RPGRIP1L: variants seen among roughly 807,000 people sequenced by gnomAD.
RPGRIP1L encodes RPGRIP1 like.
A neutral mutation model predicts 160.4 loss-of-function variants in RPGRIP1L; 131 were observed. The ratio of observed to expected loss-of-function variants is 0.82; its 90% CI spans 0.71 to 0.94. RPGRIP1L has a LOEUF of 0.94. Ranked by LOEUF, RPGRIP1L falls within the 40% of genes least tolerant of loss-of-function variation. The pLI is 0.00. For synonymous variants in RPGRIP1L, 510 were observed against 515.8 expected, an observed-to-expected ratio of 0.99 and a Z score of 0.15; for missense variants, 1,522 against 1,535.8, an observed-to-expected ratio of 0.99 and a Z score of 0.15.
intron 9 of RPGRIP1L, among the ~76,000 whole-genome samples, chr16:53,668,298 G>C (rs903892553): frequency 2.6e-5 from 4 of 151,986 alleles, no homozygotes; most frequent in Admixed American, 2.6e-4. Context: ...AGCATCTATG[G>C]GTGTCAGTAG....
Position 53,605,513 on chromosome 16 carries a change from T to C in RPGRIP1L, c.3803A>G (p.Glu1268Gly), listed in dbSNP as rs752514830. Residue 1268 changes from glutamate (E) to glycine (G), a missense_variant, in exon 26 of 27, where the codon GAA becomes GGA. Physicochemically the swap from Glu to Gly is moderately conservative, Grantham distance 98 (BLOSUM62 -2). Coordinates refer to ENST00000647211, the MANE Select transcript of RPGRIP1L (RefSeq NM_015272.5). ...AHVDLADMFQEGRDLIEQNID... is the reference protein window; with the variant it reads ...AHVDLADMFQGGRDLIEQNID... ...ATTTTGCTCAATGAGGTCCCTCCCT[T>C]CCTGAAACATGTCGGCAAGGTCGAC... 7 of 1,614,010 alleles carry C rather than the reference T, an allele frequency of 4.3e-6. No homozygotes were observed.
At chr16:53,604,067 T>C (rs1963526889) in intron 26 of RPGRIP1L, among the ~76,000 whole-genome samples, 1 of 152,240 alleles carries the variant, frequency 6.6e-6, no homozygotes, top group African/African-American at 2.4e-5. Context: ...TTTGTCAGAC[T>C]TTCTTGGTCC....
intron 4 of RPGRIP1L, among the ~76,000 whole-genome samples, chr16:53,691,057 C>T (rs1255178306): frequency 6.6e-6 from 1 of 151,560 alleles, no homozygotes; most frequent in African/African-American, 2.4e-5. Flanking sequence ...ATTTTGGCTT[C>T]AAGAGCGAAC....
chr16:53,649,527 A>G (rs956193428), intron 15 of RPGRIP1L, among the ~76,000 whole-genome samples: 2 of 152,224 alleles, frequency 1.3e-5, no homozygotes, highest in Non-Finnish European at 2.9e-5. Context: ...TATAAATATG[A>G]CATTCCACAT....
At chr16:53,626,461 A>G (rs549152120) in intron 22 of RPGRIP1L, among the ~76,000 whole-genome samples, 1 of 152,228 alleles carries the variant, frequency 6.6e-6, no homozygotes, top group South Asian at 2.1e-4. Flanking sequence ...TTGTTCACCA[A>G]TTACCCTATT....
chr16:53,675,378 T>C (rs1216320550), intron 6 of RPGRIP1L, among the ~76,000 whole-genome samples: 1 of 152,168 alleles, frequency 6.6e-6, no homozygotes, highest in African/African-American at 2.4e-5. Flanking sequence ...TTCATGACTA[T>C]GTCACCTCTA....
intron 26 of RPGRIP1L, among the ~76,000 whole-genome samples, chr16:53,604,545 A>G (rs1963557198): frequency 6.6e-6 from 1 of 152,242 alleles, no homozygotes; most frequent in Admixed American, 6.5e-5. Flanking sequence ...CGTTCTAAAT[A>G]CAGAAGAATA....
At chr16:53,610,321 C>CA (rs1218160678) in intron 25 of RPGRIP1L, among the ~76,000 whole-genome samples, 2 of 151,698 alleles carry the variant, frequency 1.3e-5, no homozygotes, top group Non-Finnish European at 2.9e-5. Flanking sequence ...AAAATGCCTT[C>CA]AAAAAATAAT....
chr16:53,697,023 G>C (rs558973793), intron 2 of RPGRIP1L, among the ~76,000 whole-genome samples: 1 of 151,900 alleles, frequency 6.6e-6, no homozygotes, highest in Non-Finnish European at 1.5e-5. Flanking sequence ...GTGAAACCCC[G>C]TCTCTACTAA....
chr16:53,607,998 G>C lies in RPGRIP1L; in HGVS notation c.3702-2384C>G, dbSNP rs568095494. 160 of 984,496 alleles carry C rather than the reference G, an allele frequency of 1.6e-4. 1 individual carries two copies. In the African/African-American group the frequency reaches 2.5e-3, roughly 16 times the overall value. 61.0% of individuals were successfully genotyped at this position (984,496 alleles called of 1,614,324 possible). ...GCTTACAGTCTAGTCTGAGGACCTG[G>C]ATGGACACAGGGGGCAGATGTCAAG... On this transcript the variant is annotated intron_variant, in intron 25 of 26. Coordinates refer to ENST00000647211, the MANE Select transcript of RPGRIP1L (RefSeq NM_015272.5).
intron 17 of RPGRIP1L, 59 bp from the exon 18 acceptor site, chr16:53,641,534 T>G: frequency 6.8e-7 from 1 of 1,460,884 alleles, no homozygotes; most frequent in Non-Finnish European, 9.5e-7. Flanking sequence ...CTGTAAGAAT[T>G]AAAGAACAAA....
At chr16:53,646,682 C>T (rs184162798) in intron 16 of RPGRIP1L, among the ~76,000 whole-genome samples, 1 of 152,276 alleles carries the variant, frequency 6.6e-6, no homozygotes, top group East Asian at 1.9e-4. Context: ...GTTAAATCTT[C>T]CATGGCTGAT....
At position 53,656,568 on chromosome 16, in the gene RPGRIP1L, G is replaced by T. The variant is rs149781516; in HGVS notation, c.1603C>A (p.Arg535Ser). The change falls in exon 14 of 27, where the codon CGT becomes AGT. Residue 535 changes from arginine to serine, a missense_variant. Physicochemically the swap from Arg to Ser is moderately radical, Grantham distance 110 (BLOSUM62 -1). Coordinates refer to ENST00000647211, the MANE Select transcript of RPGRIP1L (RefSeq NM_015272.5). ...TCTTGCTGCAAATTTTCCATCTTACGGGTCACTGCCTCAACCTCCATCTAC... is the reference window on the plus strand; with the variant it reads ...TCTTGCTGCAAATTTTCCATCTTACTGGTCACTGCCTCAACCTCCATCTAC... ...DYQMEVEAVT[R>S]KMENLQQDYE... 2 of 1,612,806 alleles carry T rather than the reference G, an allele frequency of 1.2e-6. No homozygotes were observed. Among genetic ancestry groups the T allele is most frequent in the South Asian group, 2.2e-5 (2 of 91,034 alleles).
At chr16:53,609,143 C>T (rs925269123) in intron 25 of RPGRIP1L, among the ~76,000 whole-genome samples, 11 of 152,214 alleles carry the variant, frequency 7.2e-5, no homozygotes, top group African/African-American at 2.7e-4. Context: ...GGTTGGAGTA[C>T]AGTGGCACAA....
Position 53,602,091 on chromosome 16 carries a change from A to T in RPGRIP1L, c.3933T>A (p.Asp1311Glu). 1 of 1,610,484 alleles carries T rather than the reference A, an allele frequency of 6.2e-7. No homozygotes were observed. The highest frequency in any genetic ancestry group is 8.5e-7 in the Non-Finnish European group (1 of 1,176,870). Reference sequence around the variant, plus strand: ...GCATTTGCTTTCAAGCCTCCAAGTCATCTCTGTATTGCTTGTAGACAGACT... The same window carrying T: ...GCATTTGCTTTCAAGCCTCCAAGTCTTCTCTGTATTGCTTGTAGACAGACT... ...ALQSVYKQYR[D>E]DLEA The change falls in exon 27 of 27, where the codon GAT (aspartate) becomes GAA (glutamate). Residue 1311 changes from aspartate to glutamate, a missense_variant. Asp to Glu is a conservative substitution (Grantham distance 45). Transcript: ENST00000647211.
chr16:53,672,650 T>C (rs558075178), intron 8 of RPGRIP1L, among the ~76,000 whole-genome samples: 5 of 152,324 alleles, frequency 3.3e-5, no homozygotes, highest in African/African-American at 1.2e-4. Flanking sequence ...GGATCTTTAA[T>C]CCTTTGGGTA....
rs369451829 is a variant in RPGRIP1L, at chr16:53,696,164, C to G, written c.217G>C (p.Asp73His). ...TTTTATCATAACCTTTTAATTTTAT[C>G]CTCCTGCTTGCGGGCATGCTGTTTA... Reference protein sequence around the residue: ...LLKQHARKQEDKIKRMATKLI... With the variant: ...LLKQHARKQEHKIKRMATKLI... The change falls in exon 3 of 27, where the codon GAT becomes CAT. Residue 73 changes from aspartate to histidine, a missense_variant. Asp to His is a moderately conservative substitution (Grantham distance 81). Coordinates refer to ENST00000647211, the MANE Select transcript of RPGRIP1L (RefSeq NM_015272.5). 226 of 1,613,752 alleles carry G rather than the reference C, an allele frequency of 1.4e-4. No individual in the cohort carries two copies. The highest frequency in any genetic ancestry group is 1.9e-4 in the Non-Finnish European group (219 of 1,179,934).
chr16:53,631,729 C>T (rs1965533581), intron 22 of RPGRIP1L, among the ~76,000 whole-genome samples: 2 of 152,042 alleles, frequency 1.3e-5, no homozygotes, highest in South Asian at 4.1e-4. Flanking sequence ...AATTCTGTCC[C>T]CCCACACTCG....
In RPGRIP1L at chr16:53,657,478, TGC is replaced by T; in HGVS notation, c.1554_1555del (p.Met518IlefsTer5). ...CTGATAATCTTTATTAATTTTGTGT[TGC>T]ATAATTAGCATGTTTCTTGTCTTTT... On this transcript the variant is annotated frameshift_variant, in exon 13 of 27. Coordinates refer to ENST00000647211, the MANE Select transcript of RPGRIP1L (RefSeq NM_015272.5). LOFTEE classifies it high-confidence loss of function. The T allele has an allele frequency of 6.2e-7, 1 of 1,611,606 alleles. No homozygotes were observed. Among genetic ancestry groups the T allele is most frequent in the Non-Finnish European group, 8.5e-7 (1 of 1,178,480 alleles).
Sources: allele counts gnomAD v4.1 joint callset (sites outside exome capture counted in the v4.1 genomes callset), GRCh38; gene constraint gnomAD v4.1.1; transcripts MANE v1.5; gene names NCBI Gene and HGNC (gene_info 2026-07-23, HGNC 2026-07-21).